RPS6KA3: variants seen among roughly 807,000 people sequenced by gnomAD.
RPS6KA3 encodes the protein ribosomal protein S6 kinase alpha-3.
Under a neutral mutation model 67.2 loss-of-function variants are expected in RPS6KA3, and 4 were observed. The observed-to-expected ratio is 0.06, with a 90% CI of 0.03 to 0.14. The LOEUF (loss-of-function observed/expected upper bound fraction) is 0.14. Ranked by LOEUF, RPS6KA3 falls within the 10% of genes least tolerant of loss-of-function variation. The probability of loss-of-function intolerance (pLI) is 1.00; values close to 1 mark genes in which losing one functional copy is unlikely to be tolerated. For missense variants in RPS6KA3, 204 were observed against 559.0 expected (o/e 0.36, Z 6.40); for synonymous variants, 182 against 183.7 (o/e 0.99, Z 0.07).
intron 15 of RPS6KA3, among the ~76,000 whole-genome samples, chrX:20,169,740 G>A (rs910628527): frequency 8.9e-6 from 1 of 111,793 alleles, no homozygotes; most frequent in Non-Finnish European, 1.9e-5. Flanking sequence ...AAGTTTGTAA[G>A]TTTGTAGTAA....
chrX:20,169,588 T>C (rs757335172), intron 15 of RPS6KA3, 97 bp from the exon 16 acceptor site: 22 of 571,879 alleles, frequency 3.8e-5, no homozygotes, highest in African/African-American at 2.0e-4. Flanking sequence ...CTCATGTAAA[T>C]AGTGTATAAA....
At chrX:20,163,389 A>T (rs1439487615) in intron 18 of RPS6KA3, among the ~76,000 whole-genome samples, 1 of 111,462 alleles carries the variant, frequency 9.0e-6, no homozygotes, top group Non-Finnish European at 1.9e-5. Flanking sequence ...ACACGCACAC[A>T]AAGAACACAC....
intron 7 of RPS6KA3, 133 bp from the exon 8 acceptor site, chrX:20,188,667 C>A: frequency 2.4e-6 from 1 of 415,611 alleles, no homozygotes; most frequent in Admixed American, 4.2e-5. Flanking sequence ...AATAAGATGG[C>A]AAAGGCAAAG....
Position 20,153,925 on chromosome X carries a change from G to A in RPS6KA3, c.*1473C>T, listed in dbSNP as rs1424351523. ...CGTGAGCCACTGCGCCCGGCCTGTA[G>A]GGGCACATTCTTGATGAGGTAAGTT... On this transcript the variant is annotated 3_prime_UTR_variant, in exon 22 of 22. Transcript: ENST00000379565. 8.9e-6 allele frequency: 1 copy of A among 112,226 alleles called. No individual in the cohort carries two copies. Among genetic ancestry groups the A allele is most frequent in the African/African-American group, 3.2e-5 (1 of 30,836 alleles). The allele number at this position is 112,226 out of a possible 1,213,427, so 9.2% of individuals were successfully genotyped here.
At chrX:20,237,711 A>C (rs901746503) in intron 1 of RPS6KA3, among the ~76,000 whole-genome samples, 1 of 111,856 alleles carries the variant, frequency 8.9e-6, no homozygotes, top group Non-Finnish European at 1.9e-5. Flanking sequence ...ATTATTACTA[A>C]GGTGAGGTAG....
Position 20,155,266 on chromosome X carries a change from A to G in RPS6KA3, c.*132T>C, listed in dbSNP as rs759749923. The G allele has an allele frequency of 5.0e-5, 35 of 702,591 alleles. No homozygotes were observed. The highest frequency in any genetic ancestry group is 8.0e-5 in the Non-Finnish European group (35 of 438,450). The allele number at this position is 702,591 out of a possible 1,213,427, so 57.9% of individuals were successfully genotyped here. On this transcript the variant is annotated 3_prime_UTR_variant, in exon 22 of 22. Coordinates refer to ENST00000379565, the MANE Select transcript of RPS6KA3 (RefSeq NM_004586.3). ...AAGAGAGGAAAGCAGGAGCAGCAGC[A>G]GGAACAGCAGCATTATGGGTACCAG...
chrX:20,214,733 C>A (rs553702292), intron 2 of RPS6KA3, among the ~76,000 whole-genome samples: 1 of 111,381 alleles, frequency 9.0e-6, no homozygotes, highest in African/African-American at 3.3e-5. Context: ...TTTTTCAGGG[C>A]TTCTCTTTTT....
Position 20,178,086 on chromosome X carries a change from G to C in RPS6KA3, c.846-1002C>G, listed in dbSNP as rs192924689. On this transcript the variant is annotated intron_variant, in intron 10 of 21. Coordinates refer to ENST00000379565, the MANE Select transcript of RPS6KA3 (RefSeq NM_004586.3). ...GTTGTTATTGAGCTATTACATGCCA[G>C]ACACTGTTTAGTGCTGAGGATACAG... Among the ~76,000 whole-genome samples the C allele has an allele frequency of 3.6e-5, 4 of 111,973 alleles. No homozygotes were observed. In the East Asian group the frequency reaches 1.1e-3, roughly 31 times the overall value.
rs906115697 is a variant in RPS6KA3, at chrX:20,153,116, C to T, written c.*2282G>A. 9.0e-6 allele frequency: 1 copy of T among 111,582 alleles called. No individual in the cohort carries two copies. The highest frequency in any genetic ancestry group is 1.9e-5 in the Non-Finnish European group (1 of 53,124). The allele number at this position is 111,582 out of a possible 1,213,427, so 9.2% of individuals were successfully genotyped here. On this transcript the variant is annotated 3_prime_UTR_variant, in exon 22 of 22. Transcript: ENST00000379565. ...ATACTCCTAAGCAATTACGGAGTAG[C>T]ATCAGTGTAAAAAAATCTGAAAATA...
rs1392865955 is a variant in RPS6KA3 at position 20,153,029 on chromosome X, G to C, written c.*2369C>G. 9.0e-6 allele frequency: 1 copy of C among 111,537 alleles called. No individual in the cohort carries two copies. Among genetic ancestry groups the C allele is most frequent in the Non-Finnish European group, 1.9e-5 (1 of 53,083 alleles). 9.2% of individuals were successfully genotyped at this position (111,537 alleles called of 1,213,427 possible). ...TCTCTACATGCAATATGAGAAAGTT[G>C]GATTGGGTAATTTATAAGGATTTAT... On this transcript the variant is annotated 3_prime_UTR_variant, in exon 22 of 22. Transcript: ENST00000379565.
chrX:20,195,792 T>C (rs1290253548), intron 4 of RPS6KA3, among the ~76,000 whole-genome samples: 3 of 112,159 alleles, frequency 2.7e-5, no homozygotes, highest in Non-Finnish European at 3.8e-5. Flanking sequence ...ACGAGCAAGA[T>C]ACTTATTTAA....
At chrX:20,245,373 TTAGAA>T (rs1436989315) in intron 1 of RPS6KA3, among the ~76,000 whole-genome samples, 6 of 112,398 alleles carry the variant, frequency 5.3e-5, no homozygotes, top group African/African-American at 1.9e-4. Context: ...ACTTCTGCAT[TTAGAA>T]TAGTTTTATC....
chrX:20,178,313 C>T (rs1351290999), intron 10 of RPS6KA3, among the ~76,000 whole-genome samples: 1 of 110,786 alleles, frequency 9.0e-6, no homozygotes, highest in Non-Finnish European at 1.9e-5. Flanking sequence ...CTAGTGTTTC[C>T]CCAAATTTTA....
At chrX:20,205,239 AATAG>A (rs753587536) in intron 3 of RPS6KA3, among the ~76,000 whole-genome samples, 17 of 112,481 alleles carry the variant, frequency 1.5e-4, no homozygotes, top group Admixed American at 1.3e-3. Flanking sequence ...TGAACCTTTA[AATAG>A]ATATGCCAAA....
intron 1 of RPS6KA3, 22 bp downstream of exon 1, chrX:20,266,542 C>G (rs1312620072): frequency 8.8e-7 from 1 of 1,137,295 alleles, no homozygotes; most frequent in Non-Finnish European, 1.2e-6. Flanking sequence ...TGCGCCGGCC[C>G]CGGCCGCCCT....
intron 14 of RPS6KA3, among the ~76,000 whole-genome samples, chrX:20,173,669 A>G (rs913364180): frequency 5.3e-5 from 6 of 112,676 alleles, no homozygotes; most frequent in East Asian, 2.8e-4. Flanking sequence ...TGTTAGGTAC[A>G]GAATTTGTAA....
At chrX:20,160,416 ATTTTATTTATTTAT>A (rs2067278529) in intron 20 of RPS6KA3, among the ~76,000 whole-genome samples, 1 of 111,872 alleles carries the variant, frequency 8.9e-6, no homozygotes, top group African/African-American at 3.2e-5. Flanking sequence ...CTAACATTTC[ATTTTATTTATTTAT>A]TTTTATTTAT....
chrX:20,232,071 GCTAT>G (rs1269986485), intron 2 of RPS6KA3, among the ~76,000 whole-genome samples: 1 of 111,922 alleles, frequency 8.9e-6, no homozygotes, highest in Non-Finnish European at 1.9e-5. Flanking sequence ...AGGATAACAG[GCTAT>G]CTATTTGGAA....
intron 2 of RPS6KA3, among the ~76,000 whole-genome samples, chrX:20,228,269 A>C (rs1261234944): frequency 8.9e-6 from 1 of 111,884 alleles, no homozygotes; most frequent in African/African-American, 3.3e-5. Context: ...AGGCATTAGG[A>C]AGTGGCCTGG....
Sources: gnomAD v4.1 joint callset for allele counts (sites outside exome capture counted in the v4.1 genomes callset) on GRCh38, gnomAD v4.1.1 for gene constraint, MANE v1.5 for transcripts, NCBI Gene and HGNC (gene_info 2026-07-23, HGNC 2026-07-21) for gene names.